MYCBP2: variants seen among roughly 807,000 people sequenced by gnomAD.
The protein encoded by MYCBP2 is E3 ubiquitin-protein ligase MYCBP2.
A neutral mutation model predicts 525.3 loss-of-function variants in MYCBP2; 120 were observed. The ratio of observed to expected loss-of-function variants is 0.23; its 90% CI spans 0.20 to 0.27. MYCBP2 has a LOEUF of 0.27. MYCBP2 is among the 10% of genes least tolerant of loss of function. The pLI, the probability that MYCBP2 is intolerant of heterozygous loss-of-function variation, is 1.00. For missense variants in MYCBP2, 4,149 were observed against 5,657.1 expected (o/e 0.73, Z 8.55); for synonymous variants, 1,894 against 1,955.8 (o/e 0.97, Z 0.83).
At position 77,212,076 on chromosome 13, in the gene MYCBP2, C is replaced by T; in HGVS notation, c.3142G>A (p.Gly1048Arg). 1 of 1,614,046 alleles carries T rather than the reference C, an allele frequency of 6.2e-7. No homozygotes were observed. The highest frequency in any genetic ancestry group is 8.5e-7 in the Non-Finnish European group (1 of 1,179,968). The change falls in exon 22 of 83, where the codon GGA (glycine) becomes AGA (arginine). Residue 1048 changes from glycine (G) to arginine (R), a missense_variant. Physicochemically the swap from Gly to Arg is moderately radical, Grantham distance 125 (BLOSUM62 -2). Coordinates refer to ENST00000544440, the MANE Select transcript of MYCBP2 (RefSeq NM_015057.5). The stretch of plus-strand genomic sequence containing the variant: ...GCACCTATCCAAGTAGCTTTTCTTC[C>T]ATATTTTGATCCAATGTTAGGCATG... The part of the protein sequence containing the change: ...APMPNIGSKY[G>R]RKATWIGASG...
chr13:77,280,002 C>T (rs1302439746), intron 3 of MYCBP2, among the ~76,000 whole-genome samples: 1 of 152,164 alleles, frequency 6.6e-6, no homozygotes, highest in Non-Finnish European at 1.5e-5. Flanking sequence ...GGCTTAATAC[C>T]TCCCATGCCT....
At chr13:77,162,963 G>C (rs1232212351) in intron 43 of MYCBP2, among the ~76,000 whole-genome samples, 2 of 152,138 alleles carry the variant, frequency 1.3e-5, no homozygotes, top group Admixed American at 1.3e-4. Flanking sequence ...AATATACAGA[G>C]TAATGTATGC....
Position 77,191,828 on chromosome 13 carries a change from G to T in MYCBP2, c.3936-15C>A, listed in dbSNP as rs748470760. 1 of 1,612,014 alleles carries T rather than the reference G, an allele frequency of 6.2e-7. No homozygotes were observed. Among genetic ancestry groups the T allele is most frequent in the East Asian group, 2.2e-5 (1 of 44,794 alleles). On this transcript the variant is annotated splice_polypyrimidine_tract_variant and intron_variant, in intron 27 of 82. Coordinates refer to ENST00000544440, the MANE Select transcript of MYCBP2 (RefSeq NM_015057.5). ...CATATTTTTCTCTGAGAAAAAATTA[G>T]TGAGTCAAAAACAATATTTTCTTAC... is the stretch of plus-strand genomic sequence containing the variant.
At chr13:77,100,175 G>T (rs890821907) in intron 55 of MYCBP2, 1 of 152,034 alleles carries the variant, frequency 6.6e-6, no homozygotes, top group African/African-American at 2.4e-5. Flanking sequence ...GGCTATAACT[G>T]CATGTTATTA....
In MYCBP2 at chr13:77,046,417, C is replaced by A. The variant is rs551946972; in HGVS notation, c.13922-924G>T. On this transcript the variant is annotated intron_variant, in intron 82 of 82. Transcript: ENST00000544440. ...GATTGTGCTTGAGAGAAAAATATCA[C>A]GAGATTGGATGGAATGAGCTTACAC... Among the ~76,000 whole-genome samples, 6 of 152,218 alleles carry A rather than the reference C, an allele frequency of 3.9e-5. No individual in the cohort carries two copies. In the South Asian group the frequency reaches 8.3e-4, roughly 21 times the overall value.
At chr13:77,298,265 C>T (rs1438917115) in intron 1 of MYCBP2, among the ~76,000 whole-genome samples, 2 of 152,196 alleles carry the variant, frequency 1.3e-5, no homozygotes, top group Admixed American at 6.5e-5. Flanking sequence ...TCCTGCTAAC[C>T]ACTACTTATC....
chr13:77,106,858 A>C (rs1175574650), intron 55 of MYCBP2, among the ~76,000 whole-genome samples: 1 of 152,124 alleles, frequency 6.6e-6, no homozygotes, highest in Admixed American at 6.6e-5. Flanking sequence ...CAGGTAATCA[A>C]GCATTACCTG....
rs1284651463 is a variant in MYCBP2 at position 77,326,221 on chromosome 13, C to T, written c.302+253G>A. Among the ~76,000 whole-genome samples, 4 of 148,000 alleles carry T rather than the reference C, an allele frequency of 2.7e-5. No homozygotes were observed. Among genetic ancestry groups the T allele is most frequent in the South Asian group, 4.3e-4 (2 of 4,642 alleles). ...AGGTTCCCCTACCACCCCTCACTAT[C>T]CCCCCACATAGGCAGGCAGACACAC... On this transcript the variant is annotated intron_variant, in intron 1 of 82. Coordinates refer to ENST00000544440, the MANE Select transcript of MYCBP2 (RefSeq NM_015057.5). This position sits in a 1 kb window ranked among gnomAD's most constrained non-coding sequence, Gnocchi z 4.2.
chr13:77,177,325 C>G (rs918118265), intron 35 of MYCBP2, among the ~76,000 whole-genome samples: 1 of 143,384 alleles, frequency 7.0e-6, no homozygotes, highest in Non-Finnish European at 1.5e-5. Context: ...TTTTCAATTT[C>G]TTTTCTTTCT....
intron 3 of MYCBP2, among the ~76,000 whole-genome samples, chr13:77,286,789 A>AATATATAT (rs1197559343): frequency 0.08 from 3,376 of 42,060 alleles, 191 homozygotes; most frequent in Non-Finnish European, 0.084. Flanking sequence ...AAAAAAAAAA[A>AATATATAT]ATATATATAT....
At chr13:77,104,189 T>C (rs2047504180) in intron 55 of MYCBP2, among the ~76,000 whole-genome samples, 2 of 152,124 alleles carry the variant, frequency 1.3e-5, no homozygotes, top group Admixed American at 1.3e-4. Flanking sequence ...AGGAGATAGT[T>C]GTCTTAGTAT....
intron 55 of MYCBP2, among the ~76,000 whole-genome samples, chr13:77,115,286 AG>A (rs2049531237): frequency 6.6e-6 from 1 of 151,932 alleles, no homozygotes; most frequent in East Asian, 1.9e-4. Context: ...AAGCAGATAC[AG>A]ATATCATTCT....
chr13:77,254,439 A>C, intron 14 of MYCBP2, among the ~76,000 whole-genome samples: 1 of 151,824 alleles, frequency 6.6e-6, no homozygotes, highest in East Asian at 1.9e-4. Context: ...ATATTTCAAT[A>C]TGTTCTGTAC....
chr13:77,237,769 A>G (rs760097572), intron 17 of MYCBP2, among the ~76,000 whole-genome samples: 7 of 152,168 alleles, frequency 4.6e-5, no homozygotes, highest in African/African-American at 9.7e-5. Flanking sequence ...CCAAAATTCT[A>G]CTAATGGTTC....
At chr13:77,131,516 A>AC (rs1491376162) in intron 52 of MYCBP2, among the ~76,000 whole-genome samples, 2,272 of 64,064 alleles carry the variant, frequency 0.035, 54 homozygotes, top group African/African-American at 0.068. Context: ...ACACACAAAC[A>AC]AACACACACA....
intron 47 of MYCBP2, among the ~76,000 whole-genome samples, chr13:77,149,892 G>A (rs1465951472): frequency 1.3e-5 from 2 of 152,088 alleles, no homozygotes; most frequent in East Asian, 3.9e-4. Flanking sequence ...GTCCCCTAAA[G>A]AGACTAAAAC....
chr13:77,233,808 C>T (rs1399641119), intron 17 of MYCBP2, among the ~76,000 whole-genome samples: 2 of 150,504 alleles, frequency 1.3e-5, no homozygotes, highest in African/African-American at 4.9e-5. Flanking sequence ...ACCAGATGAT[C>T]AAAAACAAAA....
chr13:77,206,558 A>T (rs2063360443), intron 24 of MYCBP2, 95 bp downstream of exon 24: 2 of 1,134,780 alleles, frequency 1.8e-6, no homozygotes. Flanking sequence ...TTTAACAAAC[A>T]AGACAGAATT....
chr13:77,078,293 T>C (rs1423990473), intron 66 of MYCBP2, among the ~76,000 whole-genome samples: 1 of 152,140 alleles, frequency 6.6e-6, no homozygotes, highest in Non-Finnish European at 1.5e-5. Flanking sequence ...AAGTAGCCAG[T>C]GAGGAACAGA....
Sources: allele counts gnomAD v4.1 joint callset (sites outside exome capture counted in the v4.1 genomes callset), GRCh38; gene constraint gnomAD v4.1.1; non-coding constraint Gnocchi (gnomAD v3.1); transcripts MANE v1.5; gene names NCBI Gene and HGNC (gene_info 2026-07-23, HGNC 2026-07-21).